The following TUNAR variants were observed in gnomAD, a reference collection of about 807,000 sequenced individuals.
TUNAR encodes protein TUNAR.
exon 3 of TUNAR, chr14:95,923,079 A>G (rs1889724056): frequency 5.0e-6 from 2 of 397,694 alleles, no homozygotes; most frequent in Non-Finnish European, 8.9e-6. Flanking sequence ...CGCACATACC[A>G]CCCAATCAAA....
chr14:95,915,232 A>C (rs747445789), intron 2 of TUNAR, among the ~76,000 whole-genome samples: 8 of 152,208 alleles, frequency 5.3e-5, no homozygotes, highest in Non-Finnish European at 1.0e-4. Context: ...CTGGTAAGAA[A>C]TGGGTTCCAA....
intron 2 of TUNAR, among the ~76,000 whole-genome samples, chr14:95,885,073 G>C (rs1160532825): frequency 6.6e-6 from 1 of 152,228 alleles, no homozygotes; most frequent in East Asian, 1.9e-4. Context: ...GGGTCTCTCA[G>C]ATGGGATGCG....
chr14:95,898,678 C>G (rs1207947400), intron 2 of TUNAR, among the ~76,000 whole-genome samples: 1 of 152,038 alleles, frequency 6.6e-6, no homozygotes, highest in Admixed American at 6.6e-5. Flanking sequence ...CCTCTGAGAG[C>G]TTTTTCTTGT....
rs146266366 is a variant in TUNAR at position 95,916,801 on chromosome 14, T to C, written c.13-5980T>C. Among the ~76,000 whole-genome samples the C allele has an allele frequency of 1.5e-3, 224 of 152,328 alleles. 1 individual carries two copies. The highest frequency in any genetic ancestry group is 5.1e-3 in the African/African-American group (210 of 41,574). Reference sequence around the variant, plus strand: ...GTCAGTGTTCAGTGGTCTTGTCAGATGTTTTAGTTCTTGCCAATCTGATGG... The same window carrying C: ...GTCAGTGTTCAGTGGTCTTGTCAGACGTTTTAGTTCTTGCCAATCTGATGG... On this transcript the variant is annotated intron_variant, in intron 2 of 2. Transcript: ENST00000678517.
intron 2 of TUNAR, among the ~76,000 whole-genome samples, chr14:95,909,098 C>T (rs576273916): frequency 3.9e-5 from 6 of 152,244 alleles, no homozygotes; most frequent in East Asian, 1.9e-4. Flanking sequence ...AAGTGAAAAA[C>T]GTGTTCTCGT....
intron 2 of TUNAR, among the ~76,000 whole-genome samples, chr14:95,882,035 G>T (rs1014980378): frequency 1.3e-5 from 2 of 152,200 alleles, no homozygotes; most frequent in Non-Finnish European, 2.9e-5. Flanking sequence ...AAAGCTTCAA[G>T]TTTGTTGATA....
intron 2 of TUNAR, among the ~76,000 whole-genome samples, chr14:95,894,318 G>A (rs904289382): frequency 3.3e-5 from 5 of 152,188 alleles, no homozygotes; most frequent in Non-Finnish European, 5.9e-5. Flanking sequence ...TTGAACACAC[G>A]CTATGTGCTG....
chr14:95,921,044 G>A (rs184971397), intron 2 of TUNAR, among the ~76,000 whole-genome samples: 15 of 152,246 alleles, frequency 9.9e-5, no homozygotes, highest in Admixed American at 2.0e-4. Context: ...GAGTCCAAAG[G>A]CAGGAAAAAG....
intron 2 of TUNAR, among the ~76,000 whole-genome samples, chr14:95,900,492 A>G (rs1425412090): frequency 6.6e-6 from 1 of 151,868 alleles, no homozygotes; most frequent in Non-Finnish European, 1.5e-5. Context: ...TGCCAGGCCC[A>G]TCCCAGGGCT....
intron 2 of TUNAR, among the ~76,000 whole-genome samples, chr14:95,908,310 G>T (rs936721029): frequency 6.6e-6 from 1 of 152,218 alleles, no homozygotes; most frequent in African/African-American, 2.4e-5. Context: ...TGCAGCCATG[G>T]TTTGGGCAGC....
At chr14:95,896,539 A>C (rs1029237210) in intron 2 of TUNAR, among the ~76,000 whole-genome samples, 7 of 152,194 alleles carry the variant, frequency 4.6e-5, no homozygotes, top group African/African-American at 1.7e-4. Flanking sequence ...CAGAAGCTGC[A>C]CCACACCCTC....
At chr14:95,922,575 C>A (rs2139674866) in intron 2 of TUNAR, among the ~76,000 whole-genome samples, 1 of 152,304 alleles carries the variant, frequency 6.6e-6, no homozygotes, top group Non-Finnish European at 1.5e-5. Context: ...AATGTCAGGA[C>A]ACTCATCTTC....
intron 2 of TUNAR, among the ~76,000 whole-genome samples, chr14:95,898,101 C>A (rs1361092125): frequency 6.6e-6 from 1 of 152,120 alleles, no homozygotes; most frequent in East Asian, 1.9e-4. Flanking sequence ...GCTTAAGTTA[C>A]CTCCTAAGAA....
chr14:95,887,674 C>T (rs1871237698), intron 2 of TUNAR, among the ~76,000 whole-genome samples: 1 of 152,148 alleles, frequency 6.6e-6, no homozygotes, highest in South Asian at 2.1e-4. Context: ...CAGTTTCGGA[C>T]AGTACTAATC....
intron 2 of TUNAR, among the ~76,000 whole-genome samples, chr14:95,904,606 A>G (rs1212873298): frequency 6.6e-6 from 1 of 152,184 alleles, no homozygotes; most frequent in Non-Finnish European, 1.5e-5. Context: ...GGTGGGCCAC[A>G]CTGTGTACTG....
At chr14:95,922,807 A>G (rs905195184) in exon 3 of TUNAR, 1 of 399,096 alleles carries the variant, frequency 2.5e-6, no homozygotes, top group Non-Finnish European at 4.4e-6. Context: ...AGATAAAGAC[A>G]TTTGCAACCA....
intron 2 of TUNAR, among the ~76,000 whole-genome samples, chr14:95,909,562 C>A (rs1481051147): frequency 1.3e-5 from 2 of 152,100 alleles, no homozygotes; most frequent in Non-Finnish European, 2.9e-5. Context: ...GGATTACAGG[C>A]GTGAGCCACC....
At chr14:95,919,570 G>A (rs941243306) in intron 2 of TUNAR, among the ~76,000 whole-genome samples, 3 of 151,700 alleles carry the variant, frequency 2.0e-5, no homozygotes, top group African/African-American at 4.8e-5. Flanking sequence ...AATTTTAGCT[G>A]GGCGTGGTGG....
intron 2 of TUNAR, among the ~76,000 whole-genome samples, chr14:95,897,431 G>T (rs1329504915): frequency 6.6e-6 from 1 of 152,222 alleles, no homozygotes; most frequent in South Asian, 2.1e-4. Context: ...AGGTGAGGTT[G>T]TTAATCCATA....
Sources: allele counts gnomAD v4.1 joint callset (sites outside exome capture counted in the v4.1 genomes callset), GRCh38; gene constraint gnomAD v4.1.1; transcripts MANE v1.5; gene names NCBI Gene and HGNC (gene_info 2026-07-23, HGNC 2026-07-21).